The following NBEA variants were observed in gnomAD, a reference collection of about 807,000 sequenced individuals.
The protein encoded by NBEA is neurobeachin, also known as lysosomal-trafficking regulator 2.
A neutral mutation model predicts 343.4 loss-of-function variants in NBEA; 44 were observed. The observed-to-expected ratio is 0.13, with a 90% CI of 0.10 to 0.16. NBEA has a LOEUF of 0.16. Ranked by LOEUF, NBEA falls within the 10% of genes least tolerant of loss-of-function variation. NBEA has a pLI of 1.00. For missense variants in NBEA, 2,555 were observed against 3,631.3 expected, an observed-to-expected ratio of 0.70 and a Z score of 7.62; for synonymous variants, 1,175 against 1,238.7, an observed-to-expected ratio of 0.95 and a Z score of 1.08.
intron 1 of NBEA, among the ~76,000 whole-genome samples, chr13:34,988,784 A>G (rs1374070850): frequency 6.6e-6 from 1 of 150,812 alleles, no homozygotes; most frequent in African/African-American, 2.4e-5. Flanking sequence ...GTTTATTTGC[A>G]TGGTATATCT....
intron 24 of NBEA, chr13:35,165,215 C>CTT: frequency 4.2e-6 from 2 of 476,654 alleles, no homozygotes; most frequent in Admixed American, 2.5e-5. Context: ...AAGTTGATCT[C>CTT]TAAGTGTATT....
chr13:35,638,844 G>A (rs73503159), intron 49 of NBEA, among the ~76,000 whole-genome samples: 29,049 of 152,068 alleles, frequency 0.19, 3,370 homozygotes, highest in East Asian at 0.45. Context: ...AGGAAATGAT[G>A]CTTACTTTTT....
At chr13:35,564,749 G>A (rs1191958234) in intron 44 of NBEA, among the ~76,000 whole-genome samples, 10 of 152,120 alleles carry the variant, frequency 6.6e-5, no homozygotes, top group Non-Finnish European at 1.0e-4. Flanking sequence ...TTTTCTTCTC[G>A]TTTAATGTAG....
intron 40 of NBEA, among the ~76,000 whole-genome samples, chr13:35,471,404 C>A (rs1364163623): frequency 2.6e-5 from 4 of 152,160 alleles, no homozygotes; most frequent in African/African-American, 9.6e-5. Context: ...TGACTGTATG[C>A]ATTTGAGAGA....
chr13:35,017,883 G>A (rs1057223205), intron 1 of NBEA, among the ~76,000 whole-genome samples: 1 of 151,960 alleles, frequency 6.6e-6, no homozygotes, highest in Non-Finnish European at 1.5e-5. Context: ...TTTCTTAGAG[G>A]TTTTGCAGAT....
intron 45 of NBEA, among the ~76,000 whole-genome samples, chr13:35,578,675 A>G (rs953279751): frequency 4.6e-5 from 7 of 152,204 alleles, no homozygotes; most frequent in African/African-American, 1.2e-4. Context: ...TGAAGACAAT[A>G]TGTTATACAA....
intron 41 of NBEA, among the ~76,000 whole-genome samples, chr13:35,513,432 T>G (rs1020433949): frequency 6.6e-6 from 1 of 150,490 alleles, no homozygotes; most frequent in Non-Finnish European, 1.5e-5. Context: ...ATTACAGGCA[T>G]GAGCCACCGT....
chr13:35,630,890 A>G (rs553519516), intron 49 of NBEA, among the ~76,000 whole-genome samples: 32 of 152,128 alleles, frequency 2.1e-4, no homozygotes, highest in African/African-American at 2.7e-4. Flanking sequence ...CAGTGTAGAC[A>G]TAACAGATTA....
intron 40 of NBEA, among the ~76,000 whole-genome samples, chr13:35,453,023 A>G (rs977482478): frequency 6.6e-6 from 1 of 152,192 alleles, no homozygotes; most frequent in East Asian, 1.9e-4. Flanking sequence ...TCTTAGTTCT[A>G]TACTTGCAGC....
chr13:35,301,326 C>T (rs1239396492), intron 35 of NBEA, among the ~76,000 whole-genome samples: 1 of 152,002 alleles, frequency 6.6e-6, no homozygotes, highest in Non-Finnish European at 1.5e-5. Flanking sequence ...TGTCCTAATG[C>T]TCCCCCTCCT....
At chr13:35,177,228 C>T (rs1476985718) in intron 28 of NBEA, 125 bp downstream of exon 28, 1 of 641,066 alleles carries the variant, frequency 1.6e-6, no homozygotes, top group African/African-American at 1.8e-5. Flanking sequence ...TGGTTTATTG[C>T]ATACTTCTCA....
chr13:35,328,943 G>A (rs2038757408), intron 36 of NBEA, among the ~76,000 whole-genome samples: 1 of 151,830 alleles, frequency 6.6e-6, no homozygotes, highest in Non-Finnish European at 1.5e-5. Flanking sequence ...GGATAGCACT[G>A]ATATAAAGAT....
intron 40 of NBEA, among the ~76,000 whole-genome samples, chr13:35,471,819 A>T (rs776941561): frequency 6.6e-6 from 1 of 152,186 alleles, no homozygotes; most frequent in Non-Finnish European, 1.5e-5. Context: ...TAAGAACTTT[A>T]TGTAATGTCC....
chr13:35,370,003 G>A (rs2041336919), intron 38 of NBEA, among the ~76,000 whole-genome samples: 2 of 151,852 alleles, frequency 1.3e-5, no homozygotes, highest in South Asian at 2.1e-4. Context: ...ATATTCCATA[G>A]CTATTGGATG....
intron 45 of NBEA, among the ~76,000 whole-genome samples, chr13:35,573,880 C>T (rs1306959632): frequency 6.6e-6 from 1 of 152,134 alleles, no homozygotes; most frequent in East Asian, 1.9e-4. Flanking sequence ...AAAACTAGGC[C>T]AAATTCAGTC....
intron 48 of NBEA, among the ~76,000 whole-genome samples, chr13:35,617,706 G>A (rs865929187): frequency 3.9e-5 from 6 of 152,234 alleles, no homozygotes; most frequent in Middle Eastern, 3.4e-3. Flanking sequence ...TTCCTTCATA[G>A]CACCTTTTTC....
chr13:35,016,288 G>T (rs982492927), intron 1 of NBEA, among the ~76,000 whole-genome samples: 30 of 20,244 alleles, frequency 1.5e-3, no homozygotes, highest in African/African-American at 2.1e-3. Flanking sequence ...ACACATACAT[G>T]TTAAAATGAG....
intron 33 of NBEA, among the ~76,000 whole-genome samples, chr13:35,224,955 T>C (rs2074569836): frequency 6.6e-6 from 1 of 152,140 alleles, no homozygotes; most frequent in Non-Finnish European, 1.5e-5. Flanking sequence ...GTTTATGTTT[T>C]CTTGTTGTTT....
intron 36 of NBEA, among the ~76,000 whole-genome samples, chr13:35,343,058 G>T (rs1848644799): frequency 6.6e-6 from 1 of 151,948 alleles, no homozygotes; most frequent in Non-Finnish European, 1.5e-5. Context: ...TAAAAAGATA[G>T]AAAAATATAT....
Sources: gnomAD v4.1 joint callset for allele counts (sites outside exome capture counted in the v4.1 genomes callset) on GRCh38, gnomAD v4.1.1 for gene constraint, MANE v1.5 for transcripts, NCBI Gene and HGNC (gene_info 2026-07-23, HGNC 2026-07-21) for gene names.